The following DYNC1I1 variants were observed in gnomAD, a reference collection of about 807,000 sequenced individuals.
DYNC1I1 encodes the protein cytoplasmic dynein 1 intermediate chain 1.
In DYNC1I1, 43 loss-of-function variants were observed where a neutral mutation model predicts 86.6. That is an observed-to-expected ratio of 0.50 (90% confidence interval 0.39 to 0.64). The LOEUF (loss-of-function observed/expected upper bound fraction) is 0.64, where lower values mean the gene tolerates loss of function less well. Among genes scored for constraint, DYNC1I1 ranks in the 30% least tolerant of loss-of-function variants. The pLI, the probability that DYNC1I1 is intolerant of heterozygous loss-of-function variation, is 0.00. For synonymous variants in DYNC1I1, 262 were observed against 283.7 expected, an observed-to-expected ratio of 0.92 and a Z score of 0.77; for missense variants, 604 against 788.8, an observed-to-expected ratio of 0.77 and a Z score of 2.81.
chr7:95,796,856 T>TA (rs995110225), intron 1 of DYNC1I1, among the ~76,000 whole-genome samples: 15 of 152,016 alleles, frequency 9.9e-5, no homozygotes, highest in Non-Finnish European at 2.2e-4. Context: ...GCTATTTTCA[T>TA]AATAACACTA....
Position 95,810,344 on chromosome 7 carries a change from A to T in DYNC1I1, c.109-48A>T, listed in dbSNP as rs113047449. On this transcript the variant is annotated intron_variant, in intron 2 of 16. Transcript: ENST00000447467. Reference sequence around the variant, plus strand: ...ATTTTTAGTTTCAGCCAGGAAAAGCATACATTTAGTTATGTTATTAACTTT... The same window carrying T: ...ATTTTTAGTTTCAGCCAGGAAAAGCTTACATTTAGTTATGTTATTAACTTT... 4 of 1,492,898 alleles carry T rather than the reference A, an allele frequency of 2.7e-6. No individual in the cohort carries two copies. The East Asian group carries it at 9.2e-5, about 34-fold the overall frequency. The allele number at this position is 1,492,898 out of a possible 1,614,324, so 92.5% of individuals were successfully genotyped here.
chr7:95,855,560 G>A (rs1789696431), intron 5 of DYNC1I1, among the ~76,000 whole-genome samples: 1 of 152,148 alleles, frequency 6.6e-6, no homozygotes, highest in African/African-American at 2.4e-5. Flanking sequence ...GAAATGCATT[G>A]TTTGGTGATT....
intron 10 of DYNC1I1, among the ~76,000 whole-genome samples, chr7:96,026,941 G>T (rs373060198): frequency 2.6e-5 from 4 of 152,116 alleles, no homozygotes; most frequent in East Asian, 3.9e-4. Flanking sequence ...CACATTCAAG[G>T]CTGCTACTTG....
intron 6 of DYNC1I1, among the ~76,000 whole-genome samples, chr7:95,949,947 T>G (rs1251872049): frequency 6.7e-6 from 1 of 149,234 alleles, no homozygotes; most frequent in African/African-American, 2.4e-5. Context: ...TAGGCTAGTT[T>G]TAGTTTTCCA....
chr7:96,006,150 C>T (rs934765759), intron 10 of DYNC1I1, among the ~76,000 whole-genome samples: 1 of 152,128 alleles, frequency 6.6e-6, no homozygotes, highest in South Asian at 2.1e-4. Context: ...AACAACTGAT[C>T]AATAGTTCTG....
intron 10 of DYNC1I1, among the ~76,000 whole-genome samples, chr7:95,996,849 C>T (rs967195549): frequency 1.3e-5 from 2 of 152,166 alleles, no homozygotes; most frequent in East Asian, 1.9e-4. Flanking sequence ...CTCAAAATTG[C>T]AGTTCCTCAA....
At chr7:95,988,448 G>C (rs1427965790) in intron 9 of DYNC1I1, among the ~76,000 whole-genome samples, 1 of 152,190 alleles carries the variant, frequency 6.6e-6, no homozygotes, top group Non-Finnish European at 1.5e-5. Context: ...CCATCAGTGT[G>C]GCATTCAGAG....
At chr7:95,783,924 T>C (rs575508572) in intron 1 of DYNC1I1, among the ~76,000 whole-genome samples, 1 of 152,340 alleles carries the variant, frequency 6.6e-6, no homozygotes, top group African/African-American at 2.4e-5. Flanking sequence ...GTGCTGTGGT[T>C]TGAAAGAATA....
intron 15 of DYNC1I1, among the ~76,000 whole-genome samples, chr7:96,076,817 A>G (rs1369453046): frequency 2.0e-5 from 3 of 152,208 alleles, no homozygotes; most frequent in Admixed American, 2.0e-4. Context: ...AACATGTCAC[A>G]TTTACAGCAA....
At chr7:96,027,154 C>G (rs1794702656) in intron 10 of DYNC1I1, among the ~76,000 whole-genome samples, 1 of 152,152 alleles carries the variant, frequency 6.6e-6, no homozygotes, top group African/African-American at 2.4e-5. Context: ...TTTTAGTTCC[C>G]TTTCCCAGAG....
chr7:95,810,583 C>CT (rs1229254925), intron 3 of DYNC1I1, 77 bp downstream of exon 3: 24 of 1,138,424 alleles, frequency 2.1e-5, no homozygotes, highest in Non-Finnish European at 2.8e-5. Flanking sequence ...GTTTACTATT[C>CT]TTTTAAGTCT....
At chr7:96,093,500 C>T (rs192987296) in intron 16 of DYNC1I1, among the ~76,000 whole-genome samples, 64 of 152,218 alleles carry the variant, frequency 4.2e-4, no homozygotes, top group Admixed American at 2.4e-3. Flanking sequence ...AAGGTGATCT[C>T]TTTTAGAGTT....
chr7:95,926,759 C>T (rs538597101), intron 6 of DYNC1I1, among the ~76,000 whole-genome samples: 74 of 152,268 alleles, frequency 4.9e-4, no homozygotes, highest in Middle Eastern at 3.4e-3. Context: ...ACCTCCTCTA[C>T]CTGTCTATTA....
At chr7:96,002,390 G>C (rs1325156764) in intron 10 of DYNC1I1, among the ~76,000 whole-genome samples, 1 of 152,110 alleles carries the variant, frequency 6.6e-6, no homozygotes, top group East Asian at 1.9e-4. Context: ...CTGAGTTCTG[G>C]GAGGAAGTTA....
intron 13 of DYNC1I1, 93 bp from the exon 14 acceptor site, chr7:96,039,184 C>A (rs750679389): frequency 6.2e-5 from 86 of 1,385,034 alleles, no homozygotes; most frequent in Non-Finnish European, 6.3e-5. Context: ...TATGGAGATG[C>A]AGAGTTGAGG....
chr7:95,947,658 CCCT>C (rs1351488263), intron 6 of DYNC1I1, among the ~76,000 whole-genome samples: 1 of 152,158 alleles, frequency 6.6e-6, no homozygotes, highest in Non-Finnish European at 1.5e-5. Flanking sequence ...TTCTTTCCAT[CCCT>C]CCTCTAAACC....
intron 7 of DYNC1I1, among the ~76,000 whole-genome samples, chr7:95,983,331 A>G (rs1163664392): frequency 1.3e-5 from 2 of 152,170 alleles, no homozygotes; most frequent in African/African-American, 4.8e-5. Context: ...GCTGCTAGAA[A>G]CTATGAGGTG....
chr7:95,937,950 A>G (rs149635838), intron 6 of DYNC1I1, among the ~76,000 whole-genome samples: 1 of 152,190 alleles, frequency 6.6e-6, no homozygotes, highest in Non-Finnish European at 1.5e-5. Flanking sequence ...TATAATATAT[A>G]TACACTCACA....
At chr7:96,059,217 T>G (rs1168627469) in intron 14 of DYNC1I1, among the ~76,000 whole-genome samples, 2 of 152,050 alleles carry the variant, frequency 1.3e-5, no homozygotes, top group Non-Finnish European at 2.9e-5. Context: ...TTAACACATG[T>G]ATTTTTCCAG....
Sources: gnomAD v4.1 joint callset for allele counts (sites outside exome capture counted in the v4.1 genomes callset) on GRCh38, gnomAD v4.1.1 for gene constraint, MANE v1.5 for transcripts, NCBI Gene and HGNC (gene_info 2026-07-23, HGNC 2026-07-21) for gene names.